Variants in ATXN1 observed in about 807,000 individuals in gnomAD.
The protein encoded by ATXN1 is ataxin-1.
A neutral mutation model predicts 56.4 loss-of-function variants in ATXN1; 8 were observed. The ratio of observed to expected loss-of-function variants is 0.14; its 90% CI spans 0.08 to 0.26. The LOEUF (loss-of-function observed/expected upper bound fraction) is 0.26. ATXN1 is among the 10% of genes least tolerant of loss of function. ATXN1 has a pLI of 1.00. For missense variants in ATXN1, 987 were observed against 1,106.5 expected (o/e 0.89, Z 1.53); for synonymous variants, 514 against 494.6 (o/e 1.04, Z -0.52).
At chr6:16,612,850 C>T (rs1355269671) in intron 3 of ATXN1, among the ~76,000 whole-genome samples, 3 of 150,104 alleles carry the variant, frequency 2.0e-5, no homozygotes, top group Non-Finnish European at 4.4e-5. Context: ...GAGAGTGCAC[C>T]ACTGCACTCC....
intron 6 of ATXN1, among the ~76,000 whole-genome samples, chr6:16,456,162 A>C (rs1391116790): frequency 1.3e-5 from 2 of 152,062 alleles, no homozygotes; most frequent in African/African-American, 4.8e-5. Flanking sequence ...CATCTTTAAG[A>C]GCTGTAACAC....
At chr6:16,512,029 A>G (rs1761092366) in intron 5 of ATXN1, among the ~76,000 whole-genome samples, 1 of 152,156 alleles carries the variant, frequency 6.6e-6, no homozygotes, top group Non-Finnish European at 1.5e-5. Context: ...ATCTTTGTAC[A>G]TACTCATGGG....
chr6:16,393,448 C>T (rs779946839), intron 6 of ATXN1, among the ~76,000 whole-genome samples: 4 of 151,930 alleles, frequency 2.6e-5, no homozygotes, highest in African/African-American at 4.8e-5. Flanking sequence ...TTGCCCAGGC[C>T]GGTCTTGAAT....
intron 6 of ATXN1, among the ~76,000 whole-genome samples, chr6:16,458,036 T>TG (rs1328104532): frequency 1.7e-4 from 26 of 152,298 alleles, no homozygotes; most frequent in African/African-American, 5.8e-4. Context: ...CGACCTCACT[T>TG]GGAGAGATGT....
chr6:16,496,167 A>T (rs1487917936), intron 5 of ATXN1, among the ~76,000 whole-genome samples: 1 of 152,180 alleles, frequency 6.6e-6, no homozygotes, highest in East Asian at 1.9e-4. Context: ...TTTCTGACTC[A>T]ATCAGAACAA....
At chr6:16,598,828 T>C (rs1762863632) in intron 3 of ATXN1, among the ~76,000 whole-genome samples, 1 of 152,218 alleles carries the variant, frequency 6.6e-6, no homozygotes, top group African/African-American at 2.4e-5. Context: ...TGACACCATT[T>C]TGCAGTGTTC....
chr6:16,714,017 G>A lies in ATXN1; in HGVS notation c.-615+39216C>T, dbSNP rs191408450. On this transcript the variant is annotated intron_variant, in intron 2 of 7. Transcript: ENST00000436367. ...ATAAAAATACAAAAATTAGCCAGGC[G>A]TGGTGGTGTGCACCTCTAGTCCCAG... 8.5e-3 allele frequency among the ~76,000 whole-genome samples: 1,296 copies of A among 152,158 alleles called. 11 individuals carry two copies. Among genetic ancestry groups the A allele is most frequent in the Non-Finnish European group, 0.013 (881 of 67,992 alleles).
intron 4 of ATXN1, among the ~76,000 whole-genome samples, chr6:16,571,954 C>T (rs764814046): frequency 1.4e-4 from 21 of 152,178 alleles, no homozygotes; most frequent in African/African-American, 3.1e-4. Flanking sequence ...TGAGCCATCA[C>T]GTTCAGCCTC....
intron 6 of ATXN1, among the ~76,000 whole-genome samples, chr6:16,337,036 T>C (rs1470510042): frequency 6.6e-6 from 1 of 152,270 alleles, no homozygotes; most frequent in East Asian, 1.9e-4. Flanking sequence ...ATTAAGGGCC[T>C]TGAAGGGGAG....
chr6:16,482,344 C>T (rs1760456548), intron 6 of ATXN1, among the ~76,000 whole-genome samples: 1 of 152,174 alleles, frequency 6.6e-6, no homozygotes, highest in African/African-American at 2.4e-5. Context: ...TACCATCCCT[C>T]CTTTTGCAGA....
At chr6:16,313,389 AAAACCAAACC>A (rs540170162) in intron 7 of ATXN1, among the ~76,000 whole-genome samples, 1 of 152,130 alleles carries the variant, frequency 6.6e-6, no homozygotes, top group African/African-American at 2.4e-5. Flanking sequence ...TCTGTCTCTA[AAAACCAAACC>A]AAACCAAACC....
chr6:16,657,279 A>G (rs1758226530), intron 3 of ATXN1, among the ~76,000 whole-genome samples: 2 of 152,002 alleles, frequency 1.3e-5, no homozygotes, highest in Non-Finnish European at 2.9e-5. Flanking sequence ...GAGCCACCAC[A>G]CCCAGCCCAG....
intron 6 of ATXN1, among the ~76,000 whole-genome samples, chr6:16,348,313 T>C (rs1212904310): frequency 6.6e-6 from 1 of 152,150 alleles, no homozygotes. Context: ...GATCCTCCCA[T>C]TTTGGCTTTC....
In ATXN1 at chr6:16,620,504, C is replaced by CAG. The variant is rs979068986; in HGVS notation, c.-488-34599_-488-34598dup. ...TCTCACACACACATACACACACAGA[C>CAG]AGAGAGAGAGAGATGAAGATTCTCA... is the stretch of plus-strand genomic sequence containing the variant. On this transcript the variant is annotated intron_variant, in intron 3 of 7. Transcript: ENST00000436367. Among the ~76,000 whole-genome samples the CAG allele has an allele frequency of 6.6e-5, 10 of 151,692 alleles. No individual in the cohort carries two copies. The East Asian group carries it at 1.2e-3, about 18-fold the overall frequency.
At chr6:16,524,234 T>TTTAAA (rs1459506670) in intron 4 of ATXN1, among the ~76,000 whole-genome samples, 1 of 152,162 alleles carries the variant, frequency 6.6e-6, no homozygotes, top group East Asian at 1.9e-4. Context: ...CCCACAAGTG[T>TTTAAA]TTAACATGAC....
chr6:16,679,715 A>C (rs1218656996), intron 2 of ATXN1, among the ~76,000 whole-genome samples: 1 of 152,358 alleles, frequency 6.6e-6, no homozygotes, highest in South Asian at 2.1e-4. Context: ...AAGTCTGTAC[A>C]TTCAAACCAT....
chr6:16,388,192 C>A (rs9477113), intron 6 of ATXN1, among the ~76,000 whole-genome samples: 18,359 of 152,198 alleles, frequency 0.12, 1,188 homozygotes, highest in African/African-American at 0.15. Context: ...TCTGCAGTCA[C>A]GGTGAAAGGG....
chr6:16,686,303 T>C lies in ATXN1; in HGVS notation c.-614-28402A>G, dbSNP rs184212232. 5.3e-5 allele frequency among the ~76,000 whole-genome samples: 8 copies of C among 152,316 alleles called. No homozygotes were observed. In the East Asian group the frequency reaches 1.5e-3, roughly 29 times the overall value. On this transcript the variant is annotated intron_variant, in intron 2 of 7. Coordinates refer to ENST00000436367, the MANE Select transcript of ATXN1 (RefSeq NM_001128164.2). ...CCTTCCAGGTCTTTCCTAAAAGGTA[T>C]ACATACACTTCCGAAGTAGTATAAA...
intron 6 of ATXN1, among the ~76,000 whole-genome samples, chr6:16,434,824 G>T (rs2113587167): frequency 6.6e-6 from 1 of 152,320 alleles, no homozygotes; most frequent in South Asian, 2.1e-4. Flanking sequence ...AGACATTCAT[G>T]ATATAATCAC....
Sources: gnomAD v4.1 joint callset for allele counts (sites outside exome capture counted in the v4.1 genomes callset) on GRCh38, gnomAD v4.1.1 for gene constraint, MANE v1.5 for transcripts, NCBI Gene and HGNC (gene_info 2026-07-23, HGNC 2026-07-21) for gene names.